SDCBP: variants seen among roughly 807,000 people sequenced by gnomAD.
SDCBP encodes syndecan binding protein, also known as syntenin-1.
SDCBP carries 22 observed loss-of-function variants against 30.5 expected under a neutral mutation model. The ratio of observed to expected loss-of-function variants is 0.72; its 90% CI spans 0.52 to 1.03. SDCBP has a LOEUF of 1.03. Ranked by LOEUF, SDCBP falls within the 50% of genes least tolerant of loss-of-function variation. The pLI is 0.00. For missense variants in SDCBP, 304 were observed against 369.9 expected, an observed-to-expected ratio of 0.82 and a Z score of 1.46; for synonymous variants, 103 against 118.7, an observed-to-expected ratio of 0.87 and a Z score of 0.86.
intron 6 of SDCBP, among the ~76,000 whole-genome samples, chr8:58,579,351 A>G (rs1805541288): frequency 6.6e-6 from 1 of 152,204 alleles, no homozygotes; most frequent in Non-Finnish European, 1.5e-5. Context: ...TAAAAGAAAA[A>G]CATATTGATA....
chr8:58,565,565 T>C (rs1313317493), intron 2 of SDCBP, among the ~76,000 whole-genome samples: 1 of 152,108 alleles, frequency 6.6e-6, no homozygotes. Flanking sequence ...ATTTCTTTCC[T>C]TTGAGAGATG....
At chr8:58,573,041 C>CA (rs1805120001) in intron 4 of SDCBP, among the ~76,000 whole-genome samples, 1 of 152,082 alleles carries the variant, frequency 6.6e-6, no homozygotes, top group Non-Finnish European at 1.5e-5. Context: ...CACCTGACCT[C>CA]AGGTGATCCA....
At chr8:58,571,153 T>A (rs1214386513) in intron 3 of SDCBP, among the ~76,000 whole-genome samples, 188 bp downstream of exon 3, 1 of 152,188 alleles carries the variant, frequency 6.6e-6, no homozygotes, top group Non-Finnish European at 1.5e-5. Context: ...GATAGTGAAC[T>A]GTGGATATGG....
chr8:58,561,722 T>C, intron 1 of SDCBP: 1 of 673,864 alleles, frequency 1.5e-6, no homozygotes, highest in Non-Finnish European at 2.7e-6. Context: ...AACAAAAGTA[T>C]GTTCAACATG....
intron 7 of SDCBP, 187 bp downstream of exon 7, chr8:58,579,981 A>C (rs189825397): frequency 1.0e-4 from 49 of 470,552 alleles, no homozygotes; most frequent in Non-Finnish European, 1.6e-4. Context: ...TTCCTATAAC[A>C]AGTGGGCTGG....
intron 8 of SDCBP, among the ~76,000 whole-genome samples, chr8:58,580,833 T>C (rs1162040291): frequency 6.6e-6 from 1 of 152,162 alleles, no homozygotes; most frequent in African/African-American, 2.4e-5. Context: ...GTTTTTATAA[T>C]GCCTGGTAGA....
At chr8:58,560,929 T>G (rs541315780) in intron 1 of SDCBP, 1 of 152,296 alleles carries the variant, frequency 6.6e-6, no homozygotes, top group Admixed American at 6.5e-5. Flanking sequence ...CACAGATATC[T>G]TCATTATCTC....
rs1269613955 is a variant in SDCBP at position 58,571,036 on chromosome 8, T to A, written c.130+71T>A. 12 of 1,185,874 alleles carry A rather than the reference T, an allele frequency of 1.0e-5. No homozygotes were observed. The Admixed American group carries it at 1.2e-4, about 12-fold the overall frequency. The allele number at this position is 1,185,874 out of a possible 1,614,324, so 73.5% of individuals were successfully genotyped here. A position where few individuals can be genotyped will look rare whatever the true frequency, so the allele number is the denominator to read the frequency against. ...TATCTTCTTTTGCTCATATAAGGAA[T>A]CCAAGATTTTTTTTTGGACAGGCTG... On this transcript the variant is annotated intron_variant, in intron 3 of 8. Transcript: ENST00000260130.
intron 1 of SDCBP, among the ~76,000 whole-genome samples, chr8:58,556,532 C>T (rs1804113298): frequency 6.6e-6 from 1 of 151,956 alleles, no homozygotes; most frequent in South Asian, 2.1e-4. Context: ...TTAAGGGAGG[C>T]CAGTTGTAGT....
At chr8:58,556,934 ATTAT>A (rs1486996378) in intron 1 of SDCBP, among the ~76,000 whole-genome samples, 3 of 124,416 alleles carry the variant, frequency 2.4e-5, no homozygotes, top group Admixed American at 8.3e-5. Context: ...TATAATATAT[ATTAT>A]TTATGAATAA....
intron 4 of SDCBP, among the ~76,000 whole-genome samples, chr8:58,574,562 TTTTA>T (rs532543917): frequency 1.9e-3 from 289 of 152,290 alleles, no homozygotes; most frequent in African/African-American, 6.4e-3. Flanking sequence ...GTGCGCCGCC[TTTTA>T]TTTTTCTTCT....
chr8:58,570,952 C>A lies in SDCBP; in HGVS notation c.117C>A (p.Ile39=). Residue 39 remains isoleucine, a synonymous_variant, in exon 3 of 9, where the codon ATC becomes ATA. Coordinates refer to ENST00000260130, the MANE Select transcript of SDCBP (RefSeq NM_005625.4). ...PAILSEASAP[I]PHDGNLYPRL... ...TTTTGTCAGAAGCTTCTGCTCCTAT[C>A]CCTCACGATGGAAGTAGGTTTATAC... 1 of 1,610,330 alleles carries A rather than the reference C, an allele frequency of 6.2e-7. No homozygotes were observed. The highest frequency in any genetic ancestry group is 2.2e-5 in the East Asian group (1 of 44,784).
At chr8:58,581,656 C>T (rs767237236) in intron 8 of SDCBP, 30 bp from the exon 9 acceptor site, 22 of 1,559,254 alleles carry the variant, frequency 1.4e-5, no homozygotes, top group African/African-American at 2.7e-5. Flanking sequence ...ACCAGAATCT[C>T]GGTATATAAT....
At chr8:58,578,970 A>G (rs1805509404) in intron 6 of SDCBP, among the ~76,000 whole-genome samples, 1 of 152,232 alleles carries the variant, frequency 6.6e-6, no homozygotes, top group African/African-American at 2.4e-5. Context: ...TGTAAACACA[A>G]GTTGATCCTA....
At chr8:58,566,537 C>T (rs936218425) in intron 2 of SDCBP, among the ~76,000 whole-genome samples, 3 of 152,114 alleles carry the variant, frequency 2.0e-5, no homozygotes, top group African/African-American at 7.2e-5. Context: ...CATTAAAGAA[C>T]GTTTTATGTT....
At chr8:58,580,696 T>C in intron 8 of SDCBP, 88 bp downstream of exon 8, 3 of 740,172 alleles carry the variant, frequency 4.1e-6, no homozygotes, top group Non-Finnish European at 7.0e-6. Context: ...TTGGTTCTTT[T>C]ACCCAAGGAA....
At chr8:58,575,392 T>C (rs1170178264) in intron 4 of SDCBP, among the ~76,000 whole-genome samples, 1 of 152,176 alleles carries the variant, frequency 6.6e-6, no homozygotes, top group African/African-American at 2.4e-5. Context: ...AATCCATAGA[T>C]GGTTACTAGA....
chr8:58,577,144 T>C (rs1327114716), intron 5 of SDCBP, among the ~76,000 whole-genome samples: 1 of 152,240 alleles, frequency 6.6e-6, no homozygotes, highest in Admixed American at 6.5e-5. Flanking sequence ...CTGTAGGTAA[T>C]AGTTGCAGTG....
intron 2 of SDCBP, among the ~76,000 whole-genome samples, chr8:58,566,528 A>G (rs1450873201): frequency 2.6e-5 from 4 of 152,254 alleles, no homozygotes; most frequent in Non-Finnish European, 4.4e-5. Flanking sequence ...AGATATTTAC[A>G]TTAAAGAACG....
Sources: allele counts gnomAD v4.1 joint callset (sites outside exome capture counted in the v4.1 genomes callset), GRCh38; gene constraint gnomAD v4.1.1; transcripts MANE v1.5; gene names NCBI Gene and HGNC (gene_info 2026-07-23, HGNC 2026-07-21).